The following MAN2A1 variants were observed in gnomAD, a reference collection of about 807,000 sequenced individuals.
MAN2A1 encodes the protein alpha-mannosidase 2.
Under a neutral mutation model 142.6 loss-of-function variants are expected in MAN2A1, and 76 were observed. The ratio of observed to expected loss-of-function variants is 0.53; its 90% CI spans 0.44 to 0.65. The LOEUF (loss-of-function observed/expected upper bound fraction) is 0.65, where lower values mean the gene tolerates loss of function less well. MAN2A1 is among the 30% of genes least tolerant of loss of function. The pLI, the probability that MAN2A1 is intolerant of heterozygous loss-of-function variation, is 0.00. For synonymous variants in MAN2A1, 559 were observed against 473.2 expected (o/e 1.18, Z -2.35); for missense variants, 1,311 against 1,365.1 (o/e 0.96, Z 0.62).
rs1755902968 is a variant in MAN2A1 at position 109,867,052 on chromosome 5, T to C, written c.*54T>C. On this transcript the variant is annotated 3_prime_UTR_variant, in exon 22 of 22. Transcript: ENST00000261483. ...CATTGGCTTTTATACCTTTCTTGGT[T>C]TGACGTGCAATAAAGAAGCACATTA... The C allele has an allele frequency of 2.7e-6, 4 of 1,463,050 alleles. No homozygotes were observed. Among genetic ancestry groups the C allele is most frequent in the Non-Finnish European group, 3.7e-6 (4 of 1,072,106 alleles). The allele number at this position is 1,463,050 out of a possible 1,614,324, so 90.6% of individuals were successfully genotyped here.
rs138644312 is a variant in MAN2A1, at chr5:109,760,841, T to C, written c.835+5385T>C. ...GTGATATCCCCTTTATCATTTTTTA[T>C]TGTGTCTATTTGATTCTTTTCTCTT... On this transcript the variant is annotated intron_variant, in intron 5 of 21. Coordinates refer to ENST00000261483, the MANE Select transcript of MAN2A1 (RefSeq NM_002372.4). Among the ~76,000 whole-genome samples the C allele has an allele frequency of 6.3e-3, 961 of 152,238 alleles. 12 individuals carry two copies. Among genetic ancestry groups the C allele is most frequent in the African/African-American group, 0.022 (911 of 41,554 alleles).
At chr5:109,809,100 A>T (rs914338006) in intron 12 of MAN2A1, among the ~76,000 whole-genome samples, 1 of 152,178 alleles carries the variant, frequency 6.6e-6, no homozygotes, top group Admixed American at 6.5e-5. Flanking sequence ...TAAATGCTAG[A>T]TATAAGAAAT....
At chr5:109,722,990 G>C (rs1228315910) in intron 3 of MAN2A1, among the ~76,000 whole-genome samples, 1 of 152,120 alleles carries the variant, frequency 6.6e-6, no homozygotes, top group African/African-American at 2.4e-5. Flanking sequence ...AGGAGCTTTA[G>C]CACAGATTTA....
chr5:109,762,738 C>A (rs967632108), intron 5 of MAN2A1, among the ~76,000 whole-genome samples: 1 of 152,178 alleles, frequency 6.6e-6, no homozygotes, highest in Non-Finnish European at 1.5e-5. Context: ...CTCACTACTT[C>A]ACTCTTTCCT....
chr5:109,709,439 C>T (rs1751233832), intron 1 of MAN2A1, among the ~76,000 whole-genome samples: 2 of 152,132 alleles, frequency 1.3e-5, no homozygotes, highest in South Asian at 2.1e-4. Context: ...GAGGGTTGGC[C>T]TTTGAAGCAG....
intron 12 of MAN2A1, among the ~76,000 whole-genome samples, chr5:109,800,324 G>A (rs12652404): frequency 0.14 from 21,682 of 152,078 alleles, 2,543 homozygotes; most frequent in East Asian, 0.64. Context: ...AAATGCCTGC[G>A]TAATAGTCCT....
intron 4 of MAN2A1, among the ~76,000 whole-genome samples, chr5:109,732,337 C>A (rs1279844672): frequency 2.0e-5 from 3 of 151,948 alleles, no homozygotes; most frequent in Non-Finnish European, 4.4e-5. Context: ...ATGGTAGTTT[C>A]TTTTGCTGTG....
At chr5:109,799,750 G>A (rs1201726207) in intron 12 of MAN2A1, among the ~76,000 whole-genome samples, 3 of 138,200 alleles carry the variant, frequency 2.2e-5, no homozygotes, top group Non-Finnish European at 3.1e-5. Context: ...GCAAAACTCC[G>A]TCTCAAAAAA....
At chr5:109,821,612 A>G (rs923782842) in intron 15 of MAN2A1, among the ~76,000 whole-genome samples, 14 of 152,282 alleles carry the variant, frequency 9.2e-5, no homozygotes, top group Non-Finnish European at 1.8e-4. Flanking sequence ...AGCTTTGCCT[A>G]TAATAGTAAG....
chr5:109,831,929 C>CA (rs1234130939), intron 16 of MAN2A1, among the ~76,000 whole-genome samples: 24 of 151,240 alleles, frequency 1.6e-4, no homozygotes, highest in South Asian at 1.0e-3. Flanking sequence ...TGCAGTTGGT[C>CA]AAAAAACATA....
At chr5:109,859,032 A>G (rs193174786) in intron 20 of MAN2A1, among the ~76,000 whole-genome samples, 52 of 152,334 alleles carry the variant, frequency 3.4e-4, no homozygotes, top group African/African-American at 1.2e-3. Context: ...TTCTGATTCT[A>G]TAGGGCTGGG....
At chr5:109,864,985 A>G (rs1755843559) in intron 20 of MAN2A1, 51 bp from the exon 21 acceptor site, 2 of 1,219,216 alleles carry the variant, frequency 1.6e-6, no homozygotes, top group Non-Finnish European at 1.2e-6. Context: ...AAGTACCATA[A>G]ATATTTGCTT....
chr5:109,763,441 C>T (rs774924327), intron 5 of MAN2A1, among the ~76,000 whole-genome samples: 9 of 150,876 alleles, frequency 6.0e-5, no homozygotes, highest in Non-Finnish European at 1.0e-4. Context: ...TGTATTGTAG[C>T]TTTGGCTGCA....
chr5:109,729,650 G>A (rs1422791696), intron 4 of MAN2A1, 137 bp downstream of exon 4: 20 of 490,044 alleles, frequency 4.1e-5, no homozygotes, highest in East Asian at 7.2e-5. Context: ...TACCGTTTTC[G>A]TTGATTTTGG....
intron 3 of MAN2A1, among the ~76,000 whole-genome samples, chr5:109,716,741 A>G (rs1487710862): frequency 2.6e-5 from 4 of 152,168 alleles, no homozygotes; most frequent in Admixed American, 1.3e-4. Flanking sequence ...AGCTCTCTGT[A>G]TTTATCAGTG....
chr5:109,740,815 C>T lies in MAN2A1; in HGVS notation c.707+11302C>T, dbSNP rs151013487. On this transcript the variant is annotated intron_variant, in intron 4 of 21. Transcript: ENST00000261483. ...TTGAATTATTTCAGTTTTACTTTTA[C>T]CATATCTGTCAGAAATGCTGCCAAT... 7.0e-3 allele frequency among the ~76,000 whole-genome samples: 1,065 copies of T among 152,286 alleles called. 8 individuals are homozygous for T. The highest frequency in any genetic ancestry group is 0.025 in the Admixed American group (385 of 15,282).
At chr5:109,700,934 G>C (rs899833156) in intron 1 of MAN2A1, among the ~76,000 whole-genome samples, 9 of 152,192 alleles carry the variant, frequency 5.9e-5, no homozygotes, top group African/African-American at 1.9e-4. Flanking sequence ...TAGTTATTTA[G>C]GGAAACAAAA....
intron 1 of MAN2A1, among the ~76,000 whole-genome samples, chr5:109,708,391 GA>G (rs1751198887): frequency 6.6e-6 from 1 of 152,000 alleles, no homozygotes; most frequent in Admixed American, 6.6e-5. Context: ...AAGGAAGGGG[GA>G]TAATGAGTAG....
At chr5:109,695,229 T>C (rs546056920) in intron 1 of MAN2A1, among the ~76,000 whole-genome samples, 46 of 152,222 alleles carry the variant, frequency 3.0e-4, no homozygotes, top group Non-Finnish European at 6.3e-4. Context: ...TTTTGTTTTT[T>C]TTAAATTGAA....
Sources: allele counts gnomAD v4.1 joint callset (sites outside exome capture counted in the v4.1 genomes callset), GRCh38; gene constraint gnomAD v4.1.1; transcripts MANE v1.5; gene names NCBI Gene and HGNC (gene_info 2026-07-23, HGNC 2026-07-21).